B3GALT1: variants seen among roughly 807,000 people sequenced by gnomAD.
B3GALT1 encodes beta-1,3-galactosyltransferase 1.
A neutral mutation model predicts 23.2 loss-of-function variants in B3GALT1; 10 were observed. The observed-to-expected ratio is 0.43, with a 90% CI of 0.27 to 0.73. B3GALT1 has a LOEUF of 0.73. B3GALT1 is among the 30% of genes least tolerant of loss of function. The pLI, the probability that B3GALT1 is intolerant of heterozygous loss-of-function variation, is 0.21. For missense variants in B3GALT1, 299 were observed against 405.4 expected (o/e 0.74, Z 2.25); for synonymous variants, 156 against 141.5 (o/e 1.10, Z -0.73).
chr2:167,411,435 A>G (rs1430425479), intron 1 of B3GALT1, among the ~76,000 whole-genome samples: 3 of 152,126 alleles, frequency 2.0e-5, no homozygotes, highest in African/African-American at 4.8e-5. Context: ...TTGGCAAAAG[A>G]TCTGAACAGG....
chr2:167,384,078 AACTAAAGC>A (rs1190467649), intron 1 of B3GALT1, among the ~76,000 whole-genome samples: 1 of 152,224 alleles, frequency 6.6e-6, no homozygotes, highest in Non-Finnish European at 1.5e-5. Context: ...CAGCGATTTG[AACTAAAGC>A]AAGCCTTTCC....
chr2:167,357,159 ATATT>A (rs1360753906), intron 1 of B3GALT1, among the ~76,000 whole-genome samples: 9 of 152,002 alleles, frequency 5.9e-5, no homozygotes, highest in African/African-American at 2.2e-4. Context: ...ATACATAACA[ATATT>A]TATGTGTAAT....
chr2:167,552,234 T>A (rs1683761756), intron 2 of B3GALT1, among the ~76,000 whole-genome samples: 1 of 152,190 alleles, frequency 6.6e-6, no homozygotes, highest in African/African-American at 2.4e-5. Context: ...ATTTTGTTAA[T>A]ACCAATGATT....
At chr2:167,487,766 T>C (rs1233158186) in intron 1 of B3GALT1, among the ~76,000 whole-genome samples, 2 of 152,214 alleles carry the variant, frequency 1.3e-5, no homozygotes, top group Non-Finnish European at 2.9e-5. Context: ...TCTGAAAGCA[T>C]TTTATATTGG....
chr2:167,298,862 T>G (rs1696400227), intron 1 of B3GALT1, among the ~76,000 whole-genome samples: 1 of 151,818 alleles, frequency 6.6e-6, no homozygotes, highest in Non-Finnish European at 1.5e-5. Context: ...CTGCATTTTT[T>G]TTTTAAAAAG....
chr2:167,600,002 GC>G (rs1445773862), intron 2 of B3GALT1, among the ~76,000 whole-genome samples: 1 of 152,282 alleles, frequency 6.6e-6, no homozygotes, highest in East Asian at 1.9e-4. Context: ...TCTCCCGTAT[GC>G]TAAATGCCTT....
At chr2:167,551,550 A>G (rs1683746512) in intron 2 of B3GALT1, among the ~76,000 whole-genome samples, 1 of 152,090 alleles carries the variant, frequency 6.6e-6, no homozygotes, top group Non-Finnish European at 1.5e-5. Context: ...TGTGTTTCAC[A>G]GAAATGTCGT....
In B3GALT1 at chr2:167,805,961, C is replaced by T. The variant is rs532939956; in HGVS notation, c.-351-12711C>T. On this transcript the variant is annotated intron_variant, in intron 3 of 4. Coordinates refer to ENST00000392690, the MANE Select transcript of B3GALT1 (RefSeq NM_020981.4). ...GATATTGATTCTTCCTACCCATGAG[C>T]ATGGAATGTTCTTCCATTTGTTTGT... is the stretch of plus-strand genomic sequence containing the variant. Among the ~76,000 whole-genome samples, 1,043 of 151,604 alleles carry T rather than the reference C, an allele frequency of 6.9e-3. 13 individuals are homozygous for T. Among genetic ancestry groups the T allele is most frequent in the African/African-American group, 0.023 (961 of 40,910 alleles).
chr2:167,485,289 T>C (rs1195798552), intron 1 of B3GALT1, among the ~76,000 whole-genome samples: 1 of 152,138 alleles, frequency 6.6e-6, no homozygotes, highest in Non-Finnish European at 1.5e-5. Flanking sequence ...ATGGCAAGTT[T>C]TGAAAAAAAG....
intron 3 of B3GALT1, among the ~76,000 whole-genome samples, chr2:167,817,614 A>C (rs1689020669): frequency 1.3e-5 from 2 of 152,208 alleles, no homozygotes; most frequent in African/African-American, 4.8e-5. Context: ...ACTGGAATCC[A>C]CTTGTGCCTC....
At chr2:167,658,119 A>G (rs1411011782) in intron 3 of B3GALT1, among the ~76,000 whole-genome samples, 1 of 152,110 alleles carries the variant, frequency 6.6e-6, no homozygotes, top group Non-Finnish European at 1.5e-5. Context: ...ATGTGCCTAG[A>G]ACTATTATAA....
chr2:167,519,657 C>T (rs187228584), intron 2 of B3GALT1, among the ~76,000 whole-genome samples: 97 of 152,018 alleles, frequency 6.4e-4, no homozygotes, highest in Non-Finnish European at 3.1e-4. Context: ...AAGTAGCTAC[C>T]GTAGGGAATT....
chr2:167,724,078 CA>C (rs1186410411), intron 3 of B3GALT1, among the ~76,000 whole-genome samples: 1 of 152,212 alleles, frequency 6.6e-6, no homozygotes, highest in Non-Finnish European at 1.5e-5. Flanking sequence ...TTGGCACCAA[CA>C]TCAATAGAGA....
At chr2:167,447,227 C>T (rs1212178795) in intron 1 of B3GALT1, among the ~76,000 whole-genome samples, 5 of 152,164 alleles carry the variant, frequency 3.3e-5, no homozygotes, top group Admixed American at 6.5e-5. Context: ...CTGGAAGCTT[C>T]GTCTCAGAGG....
chr2:167,527,028 C>T (rs959416625), intron 2 of B3GALT1, among the ~76,000 whole-genome samples: 2 of 152,098 alleles, frequency 1.3e-5, no homozygotes, highest in African/African-American at 2.4e-5. Flanking sequence ...TCACCATTAT[C>T]TTCTAATATA....
intron 3 of B3GALT1, among the ~76,000 whole-genome samples, chr2:167,747,602 T>A (rs1457295813): frequency 6.6e-6 from 1 of 152,222 alleles, no homozygotes; most frequent in Non-Finnish European, 1.5e-5. Context: ...TTCACAGTTT[T>A]GCCCAACCTT....
intron 2 of B3GALT1, among the ~76,000 whole-genome samples, chr2:167,540,316 C>T (rs1278030689): frequency 6.6e-6 from 1 of 152,182 alleles, no homozygotes; most frequent in Non-Finnish European, 1.5e-5. Flanking sequence ...TCCAGACCAG[C>T]AGCATCCTTA....
chr2:167,315,449 G>A (rs560405945), intron 1 of B3GALT1, among the ~76,000 whole-genome samples: 49 of 152,158 alleles, frequency 3.2e-4, no homozygotes, highest in African/African-American at 1.1e-3. Flanking sequence ...GGTAGGATAA[G>A]CAGTAGTGGT....
chr2:167,443,822 A>G (rs562733808), intron 1 of B3GALT1, among the ~76,000 whole-genome samples: 1 of 152,306 alleles, frequency 6.6e-6, no homozygotes, highest in Non-Finnish European at 1.5e-5. Flanking sequence ...AACAGGGACA[A>G]TTTGACTTCC....
Sources: gnomAD v4.1 joint callset for allele counts (sites outside exome capture counted in the v4.1 genomes callset) on GRCh38, gnomAD v4.1.1 for gene constraint, MANE v1.5 for transcripts, NCBI Gene and HGNC (gene_info 2026-07-23, HGNC 2026-07-21) for gene names.